Variants in CLNK observed in about 807,000 individuals in gnomAD.
CLNK encodes the protein cytokine-dependent hematopoietic cell linker.
In CLNK, 74 loss-of-function variants were observed where a neutral mutation model predicts 68.6. That is an observed-to-expected ratio of 1.08 (90% confidence interval 0.89 to 1.31). CLNK has a LOEUF of 1.31. Ranked by LOEUF, CLNK falls within the 50% of genes most tolerant of loss-of-function variation. CLNK has a pLI of 0.00. For missense variants in CLNK, 553 were observed against 515.3 expected (o/e 1.07, Z -0.71); for synonymous variants, 198 against 172.2 (o/e 1.15, Z -1.17).
chr4:10,551,776 T>C (rs1488655072), intron 8 of CLNK, among the ~76,000 whole-genome samples: 3 of 152,114 alleles, frequency 2.0e-5, no homozygotes, highest in South Asian at 2.1e-4. Context: ...GGTTGAATTA[T>C]GATGAAATAA....
rs1716383546 is a variant in CLNK, at chr4:10,487,197, CA to C, written c.*3269del. Reference sequence around the variant, plus strand: ...TTAAAACACTGGAATTTGGGCATGCCAAATCCAAATCATTGAATATTCAATT... The same window carrying C: ...TTAAAACACTGGAATTTGGGCATGCCAATCCAAATCATTGAATATTCAATT... On this transcript the variant is annotated 3_prime_UTR_variant, in exon 19 of 19. Coordinates refer to ENST00000226951, the MANE Select transcript of CLNK (RefSeq NM_052964.4). 2 of 152,232 alleles carry C rather than the reference CA, an allele frequency of 1.3e-5. No homozygotes were observed. The highest frequency in any genetic ancestry group is 2.1e-4 in the South Asian group (1 of 4,828). 9.4% of individuals were successfully genotyped at this position (152,232 alleles called of 1,614,324 possible).
At chr4:10,578,165 A>G (rs1227019934) in intron 4 of CLNK, among the ~76,000 whole-genome samples, 1 of 152,246 alleles carries the variant, frequency 6.6e-6, no homozygotes, top group Non-Finnish European at 1.5e-5. Context: ...CTCAGTGCCC[A>G]GTAACAAGAT....
intron 8 of CLNK, among the ~76,000 whole-genome samples, chr4:10,555,455 A>G (rs1719629060): frequency 6.6e-6 from 1 of 152,208 alleles, no homozygotes; most frequent in African/African-American, 2.4e-5. Context: ...TCTATGGTTA[A>G]TGCTAGTGGT....
At chr4:10,612,479 G>T (rs1372264133) in intron 2 of CLNK, among the ~76,000 whole-genome samples, 1 of 152,202 alleles carries the variant, frequency 6.6e-6, no homozygotes, top group Non-Finnish European at 1.5e-5. Flanking sequence ...TTACAGATTG[G>T]GAGGAAAAGC....
At chr4:10,647,329 G>C (rs1723551432) in intron 2 of CLNK, among the ~76,000 whole-genome samples, 1 of 152,138 alleles carries the variant, frequency 6.6e-6, no homozygotes, top group Non-Finnish European at 1.5e-5. Context: ...GACATTTTCA[G>C]TTTCTGTCTT....
intron 11 of CLNK, 99 bp downstream of exon 11, chr4:10,540,395 G>A (rs927619206): frequency 1.2e-5 from 10 of 830,666 alleles, no homozygotes; most frequent in Non-Finnish European, 1.8e-5. Flanking sequence ...ACCCATTAGG[G>A]AGCCTGCTCT....
At chr4:10,667,711 GCCCACAATCTCAACCA>G (rs1724454337) in intron 2 of CLNK, 132 bp downstream of exon 2, 1 of 261,342 alleles carries the variant, frequency 3.8e-6, no homozygotes, top group Non-Finnish European at 6.2e-6. Context: ...GAACACCAAA[GCCCACAATCTCAACCA>G]TGGCCTCTCA....
chr4:10,584,088 A>T (rs1014780204), intron 4 of CLNK, among the ~76,000 whole-genome samples: 1 of 152,332 alleles, frequency 6.6e-6, no homozygotes, highest in East Asian at 1.9e-4. Flanking sequence ...CTGACTGGGA[A>T]GTTGAATGAA....
chr4:10,615,251 G>A (rs967512756), intron 2 of CLNK, among the ~76,000 whole-genome samples: 3 of 152,086 alleles, frequency 2.0e-5, no homozygotes, highest in African/African-American at 4.8e-5. Flanking sequence ...AGGCCAAGAC[G>A]GGCAGATCAC....
rs1033763805 is a variant in CLNK at position 10,646,242 on chromosome 4, T to C, written c.11+21617A>G. Among the ~76,000 whole-genome samples, 10 of 152,322 alleles carry C rather than the reference T, an allele frequency of 6.6e-5. No individual in the cohort carries two copies. In the South Asian group the frequency reaches 1.0e-3, roughly 16 times the overall value. ...ATATGTAAAATTATTATATACCAATTAACAAGTTTGAAAAATTTTCAAATT... is the reference window on the plus strand; with the variant it reads ...ATATGTAAAATTATTATATACCAATCAACAAGTTTGAAAAATTTTCAAATT... On this transcript the variant is annotated intron_variant, in intron 2 of 18. Coordinates refer to ENST00000226951, the MANE Select transcript of CLNK (RefSeq NM_052964.4).
intron 1 of CLNK, among the ~76,000 whole-genome samples, chr4:10,683,151 A>G (rs1297835817): frequency 6.6e-6 from 1 of 152,228 alleles, no homozygotes; most frequent in Non-Finnish European, 1.5e-5. Flanking sequence ...AATGAGGATC[A>G]TATATGAAAC....
chr4:10,661,083 C>G (rs186393418), intron 2 of CLNK, among the ~76,000 whole-genome samples: 161 of 152,292 alleles, frequency 1.1e-3, no homozygotes, highest in Non-Finnish European at 2.0e-3. Flanking sequence ...CTCATTTTCT[C>G]TAGATTCAGT....
intron 5 of CLNK, 75 bp from the exon 6 acceptor site, chr4:10,566,225 G>C (rs1720108046): frequency 7.0e-7 from 1 of 1,433,972 alleles, no homozygotes; most frequent in African/African-American, 1.4e-5. Context: ...GTGCTGGCTA[G>C]AGAAATGGGG....
chr4:10,613,159 A>G (rs1722097380), intron 2 of CLNK, among the ~76,000 whole-genome samples: 1 of 152,186 alleles, frequency 6.6e-6, no homozygotes, highest in African/African-American at 2.4e-5. Context: ...ATAACAGTAA[A>G]CAGAATGAAT....
intron 2 of CLNK, among the ~76,000 whole-genome samples, chr4:10,625,408 C>A (rs879443022): frequency 1.3e-5 from 2 of 152,190 alleles, no homozygotes; most frequent in African/African-American, 2.4e-5. Context: ...TGAGCTTGGC[C>A]CTTCTGGGCT....
At chr4:10,505,022 C>T (rs761112674) in intron 17 of CLNK, among the ~76,000 whole-genome samples, 3 of 152,154 alleles carry the variant, frequency 2.0e-5, no homozygotes, top group Non-Finnish European at 2.9e-5. Flanking sequence ...TATTGCTTTT[C>T]CAGCACAATC....
At chr4:10,687,638 A>G (rs4501214), upstream of CLNK, among the ~76,000 whole-genome samples, 122,612 of 152,098 alleles carry the variant, frequency 0.81, 49,754 homozygotes, top group Admixed American at 0.87. Flanking sequence ...ATAGCTCACT[A>G]GAGGAGCCTA....
chr4:10,686,231 G>T (rs745475131), upstream of CLNK, among the ~76,000 whole-genome samples: 3 of 152,034 alleles, frequency 2.0e-5, no homozygotes, highest in East Asian at 1.9e-4. Context: ...TTCTTATCAG[G>T]AGAGGAGTCA....
intron 2 of CLNK, among the ~76,000 whole-genome samples, chr4:10,605,366 C>T (rs1721748078): frequency 6.6e-6 from 1 of 152,130 alleles, no homozygotes; most frequent in South Asian, 2.1e-4. Context: ...GTGGAACCTA[C>T]TACACACCCA....
Sources: gnomAD v4.1 joint callset for allele counts (sites outside exome capture counted in the v4.1 genomes callset) on GRCh38, gnomAD v4.1.1 for gene constraint, MANE v1.5 for transcripts, NCBI Gene and HGNC (gene_info 2026-07-23, HGNC 2026-07-21) for gene names.